RHBDL3: variants seen among roughly 807,000 people sequenced by gnomAD.
The protein encoded by RHBDL3 is rhomboid-related protein 3.
A neutral mutation model predicts 48.2 loss-of-function variants in RHBDL3; 28 were observed. The ratio of observed to expected loss-of-function variants is 0.58; its 90% CI spans 0.43 to 0.80. RHBDL3 has a LOEUF of 0.80. Among genes scored for constraint, RHBDL3 ranks in the 30% least tolerant of loss-of-function variants. The probability of loss-of-function intolerance (pLI) is 0.00; values close to 1 mark genes in which losing one functional copy is unlikely to be tolerated. For synonymous variants in RHBDL3, 208 were observed against 232.3 expected (o/e 0.90, Z 0.95); for missense variants, 464 against 542.7 (o/e 0.85, Z 1.44).
chr17:32,315,043 G>A (rs768272979), intron 7 of RHBDL3, among the ~76,000 whole-genome samples: 43 of 152,272 alleles, frequency 2.8e-4, no homozygotes, highest in Non-Finnish European at 5.1e-4. Flanking sequence ...AGAACTGAAG[G>A]CTGTGAGGAT....
chr17:32,321,098 G>T lies in RHBDL3; in HGVS notation c.1084G>T (p.Glu362Ter). 1 of 1,614,250 alleles carries T rather than the reference G, an allele frequency of 6.2e-7. No homozygotes were observed. The highest frequency in any genetic ancestry group is 8.5e-7 in the Non-Finnish European group (1 of 1,180,034). Residue 362 changes from glutamate to a stop codon, truncating the protein, a stop_gained, in exon 9 of 9, where the codon GAG becomes TAG. Coordinates refer to ENST00000269051, the MANE Select transcript of RHBDL3 (RefSeq NM_138328.3). LOFTEE classifies it high-confidence loss of function. ...TLGVVVLRNYEQRLQDQSLWW... is the reference protein window; with the variant it reads ...TLGVVVLRNY ...GGGCGTGGTGGTCCTGAGGAACTAC[G>T]AGCAGAGGCTCCAGGACCAGTCACT...
At chr17:32,282,812 C>T (rs988023651) in intron 2 of RHBDL3, among the ~76,000 whole-genome samples, 39 of 152,218 alleles carry the variant, frequency 2.6e-4, no homozygotes, top group Admixed American at 1.8e-3. Context: ...TTATTACAGA[C>T]GGGGTTTCAC....
Position 32,309,179 on chromosome 17 carries a change from A to AGTGTGT in RHBDL3, c.882+3770_882+3775dup, listed in dbSNP as rs61558385. Among the ~76,000 whole-genome samples the AGTGTGT allele has an allele frequency of 2.4e-3, 352 of 149,726 alleles. 3 individuals carry two copies. The highest frequency in any genetic ancestry group is 0.016 in the East Asian group (77 of 4,876). On this transcript the variant is annotated intron_variant, in intron 7 of 8. Coordinates refer to ENST00000269051, the MANE Select transcript of RHBDL3 (RefSeq NM_138328.3). ...TTTCAGCTTCAAAATGAAGGTTTGG[A>AGTGTGT]GTGTGTGTGTGTGTGTGTGTGTGTG... is the stretch of plus-strand genomic sequence containing the variant.
chr17:32,278,912 A>G (rs1477640102), intron 2 of RHBDL3, among the ~76,000 whole-genome samples: 1 of 152,172 alleles, frequency 6.6e-6, no homozygotes, highest in Admixed American at 6.5e-5. Flanking sequence ...GGATTGCTTG[A>G]GGCCAGGAGT....
At chr17:32,294,236 A>C (rs2040399994) in intron 4 of RHBDL3, 58 bp from the exon 5 acceptor site, 1 of 1,514,734 alleles carries the variant, frequency 6.6e-7, no homozygotes, top group South Asian at 1.2e-5. Flanking sequence ...TAGTCAGCAC[A>C]ACAGGAAGTT....
At chr17:32,297,591 G>A (rs1481211143) in intron 5 of RHBDL3, among the ~76,000 whole-genome samples, 4 of 150,054 alleles carry the variant, frequency 2.7e-5, no homozygotes, top group Non-Finnish European at 5.9e-5. Flanking sequence ...GCCACTAACT[G>A]TGGCTGGTCA....
chr17:32,294,287 T>G lies in RHBDL3; in HGVS notation c.520-7T>G, dbSNP rs373742302. ...ACCTAGTAACAGACTCTCTCTCTTC[T>G]GTCCAGGTTGCCTTTTTCCTCTACA... is the stretch of plus-strand genomic sequence containing the variant. On this transcript the variant is annotated splice_region_variant and splice_polypyrimidine_tract_variant and intron_variant, in intron 4 of 8. Coordinates refer to ENST00000269051, the MANE Select transcript of RHBDL3 (RefSeq NM_138328.3). 1.1e-4 allele frequency: 172 copies of G among 1,613,268 alleles called. No homozygotes were observed. In the African/African-American group the frequency reaches 2.0e-3, roughly 19 times the overall value.
At chr17:32,316,382 T>A (rs941688329) in intron 8 of RHBDL3, 90 bp downstream of exon 8, 1 of 975,136 alleles carries the variant, frequency 1.0e-6, no homozygotes, top group Middle Eastern at 2.7e-4. Context: ...CACGGGCTTA[T>A]GGTCAAGAAA....
chr17:32,288,921 G>A lies in RHBDL3; in HGVS notation c.424G>A (p.Glu142Lys). The A allele has an allele frequency of 6.2e-7, 1 of 1,614,252 alleles. No individual in the cohort carries two copies. The highest frequency in any genetic ancestry group is 8.5e-7 in the Non-Finnish European group (1 of 1,180,054). The change falls in exon 4 of 9, where the codon GAG becomes AAG. Residue 142 changes from glutamate to lysine, a missense_variant. Glu to Lys is a moderately conservative substitution (Grantham distance 56). Coordinates refer to ENST00000269051, the MANE Select transcript of RHBDL3 (RefSeq NM_138328.3). ...GCGACTTATCCGCCATGTGGCCTAT[G>A]AGACCCTGCCCCGGGAAATTGACCG... Reference protein sequence around the residue: ...SQRLIRHVAYETLPREIDRKW... With the variant: ...SQRLIRHVAYKTLPREIDRKW...
chr17:32,319,669 A>AC (rs34338350), intron 8 of RHBDL3, among the ~76,000 whole-genome samples: 10 of 152,218 alleles, frequency 6.6e-5, no homozygotes, highest in Non-Finnish European at 1.3e-4. Context: ...AGGCTGGGCA[A>AC]CCCCAAGGGA....
intron 7 of RHBDL3, among the ~76,000 whole-genome samples, chr17:32,309,076 A>C (rs1409619987): frequency 6.6e-6 from 1 of 152,080 alleles, no homozygotes; most frequent in Non-Finnish European, 1.5e-5. Context: ...TCTCAAAAAA[A>C]AATTGCCCTT....
intron 2 of RHBDL3, among the ~76,000 whole-genome samples, chr17:32,277,823 A>C (rs1396802145): frequency 2.0e-5 from 3 of 152,276 alleles, no homozygotes; most frequent in African/African-American, 7.2e-5. Flanking sequence ...CAAAGGTCAA[A>C]TAAGTTTGAA....
intron 2 of RHBDL3, among the ~76,000 whole-genome samples, chr17:32,271,196 C>G (rs905389473): frequency 6.6e-6 from 1 of 152,168 alleles, no homozygotes; most frequent in Non-Finnish European, 1.5e-5. Flanking sequence ...ACTACTTTTT[C>G]TATGATTAAA....
chr17:32,300,687 T>C (rs572391514), intron 6 of RHBDL3, among the ~76,000 whole-genome samples: 3 of 152,308 alleles, frequency 2.0e-5, no homozygotes, highest in East Asian at 1.9e-4. Flanking sequence ...ATGGGGCATA[T>C]ACATGCTCCA....
chr17:32,282,692 G>A (rs1193302900), intron 2 of RHBDL3, among the ~76,000 whole-genome samples: 1 of 151,906 alleles, frequency 6.6e-6, no homozygotes, highest in South Asian at 2.1e-4. Flanking sequence ...GCACGATGTC[G>A]GCTCACTGCA....
intron 5 of RHBDL3, 127 bp downstream of exon 5, chr17:32,294,569 G>A (rs2040408152): frequency 3.4e-6 from 3 of 871,506 alleles, no homozygotes; most frequent in South Asian, 4.0e-5. Flanking sequence ...TGGGATGGCT[G>A]CTTGAAACTC....
chr17:32,321,543 G>A lies in RHBDL3; in HGVS notation c.*314G>A. ...GGCTGGGCTTCTTCCATGGGGCCAG[G>A]GGGTGCCCCCTCACTGCTGCGGATT... On this transcript the variant is annotated 3_prime_UTR_variant, in exon 9 of 9. Transcript: ENST00000269051. 1.9e-6 allele frequency: 1 copy of A among 524,080 alleles called. No homozygotes were observed. The highest frequency in any genetic ancestry group is 3.2e-5 in the Admixed American group (1 of 30,830). The allele number at this position is 524,080 out of a possible 1,614,324, so 32.5% of individuals were successfully genotyped here.
intron 6 of RHBDL3, 66 bp from the exon 7 acceptor site, chr17:32,305,275 C>G: frequency 9.5e-7 from 1 of 1,055,906 alleles, no homozygotes; most frequent in South Asian, 1.3e-5. Flanking sequence ...GAATCCAAGG[C>G]CTGGGGCTGG....
chr17:32,278,865 G>A (rs1325903038), intron 2 of RHBDL3, among the ~76,000 whole-genome samples: 1 of 152,130 alleles, frequency 6.6e-6, no homozygotes, highest in Non-Finnish European at 1.5e-5. Flanking sequence ...GGTGGCTCAC[G>A]CCTATAATCC....
Sources: gnomAD v4.1 joint callset for allele counts (sites outside exome capture counted in the v4.1 genomes callset) on GRCh38, gnomAD v4.1.1 for gene constraint, MANE v1.5 for transcripts, NCBI Gene and HGNC (gene_info 2026-07-23, HGNC 2026-07-21) for gene names.